The following FAM117A variants were observed in gnomAD, a reference collection of about 807,000 sequenced individuals.
FAM117A encodes the protein protein FAM117A.
A neutral mutation model predicts 44.1 loss-of-function variants in FAM117A; 21 were observed. The observed-to-expected ratio is 0.48, with a 90% CI of 0.34 to 0.69. The LOEUF (loss-of-function observed/expected upper bound fraction) is 0.69. Among genes scored for constraint, FAM117A ranks in the 30% least tolerant of loss-of-function variants. The pLI, the probability that FAM117A is intolerant of heterozygous loss-of-function variation, is 0.01. For synonymous variants in FAM117A, 220 were observed against 238.3 expected (o/e 0.92, Z 0.71); for missense variants, 498 against 589.9 (o/e 0.84, Z 1.61).
At chr17:49,772,954 G>C (rs1363028358) in intron 1 of FAM117A, among the ~76,000 whole-genome samples, 1 of 151,846 alleles carries the variant, frequency 6.6e-6, no homozygotes, top group African/African-American at 2.4e-5. Context: ...GGAGGATCAC[G>C]AGGTCAAGAG....
chr17:49,766,687 T>G (rs1180761059), upstream of FAM117A, among the ~76,000 whole-genome samples: 1 of 152,244 alleles, frequency 6.6e-6, no homozygotes, highest in Non-Finnish European at 1.5e-5. Flanking sequence ...TGGTTTTTAT[T>G]GGCTGAGCCA....
chr17:49,769,237 G>A (rs1205084213), intron 1 of FAM117A, among the ~76,000 whole-genome samples: 3 of 152,148 alleles, frequency 2.0e-5, no homozygotes, highest in African/African-American at 7.2e-5. Context: ...GGAGGCTGCA[G>A]TAAGCCGAGA....
rs747602980 is a variant in FAM117A at position 49,722,541 on chromosome 17, G to A, written c.420C>T (p.His140=). The change falls in exon 3 of 8, where the codon CAC becomes CAT. Residue 140 remains histidine (H), a synonymous_variant. Coordinates refer to ENST00000240364, the MANE Select transcript of FAM117A (RefSeq NM_030802.4). The part of the protein sequence containing the change: ...LEGERASSCA[H]KRSASWGSTD... ...TGCTGCCCCAGGATGCTGAGCGCTT[G>A]TGTGCACAGGAACTGGCACGCTCAC... 2 of 1,613,970 alleles carry A rather than the reference G, an allele frequency of 1.2e-6. No homozygotes were observed. Among genetic ancestry groups the A allele is most frequent in the South Asian group, 1.1e-5 (1 of 91,062 alleles).
At chr17:49,740,349 A>C (rs1319985926) in intron 1 of FAM117A, among the ~76,000 whole-genome samples, 1 of 151,420 alleles carries the variant, frequency 6.6e-6, no homozygotes. Flanking sequence ...TCCCGGGTTC[A>C]CGCCATTCTC....
intron 1 of FAM117A, among the ~76,000 whole-genome samples, chr17:49,739,847 T>TG (rs1170539292): frequency 1.3e-5 from 2 of 152,162 alleles, no homozygotes; most frequent in East Asian, 3.9e-4. Context: ...TACAGCACCG[T>TG]GGGGTATTAT....
intron 3 of FAM117A, among the ~76,000 whole-genome samples, chr17:49,721,816 G>A (rs1014190083): frequency 9.2e-5 from 14 of 152,176 alleles, no homozygotes; most frequent in African/African-American, 3.4e-4. Flanking sequence ...AGGGCTGGGC[G>A]TGGTGGCTCA....
At chr17:49,777,870 T>C (rs1297710990) in intron 1 of FAM117A, among the ~76,000 whole-genome samples, 1 of 151,878 alleles carries the variant, frequency 6.6e-6, no homozygotes, top group African/African-American at 2.4e-5. Flanking sequence ...GGAAACAGAG[T>C]AGAATATGCC....
chr17:49,756,663 C>G (rs959462072), intron 1 of FAM117A, among the ~76,000 whole-genome samples: 1 of 151,054 alleles, frequency 6.6e-6, no homozygotes, highest in African/African-American at 2.4e-5. Context: ...CACCTGTAAT[C>G]GCAGCACTTT....
At chr17:49,781,101 C>G (rs2143806361) in intron 1 of FAM117A, among the ~76,000 whole-genome samples, 1 of 152,320 alleles carries the variant, frequency 6.6e-6, no homozygotes, top group African/African-American at 2.4e-5. Flanking sequence ...CAGGCGTGAG[C>G]CACCATGCCT....
intron 1 of FAM117A, among the ~76,000 whole-genome samples, chr17:49,774,421 G>A (rs1392421005): frequency 6.7e-6 from 1 of 150,242 alleles, no homozygotes; most frequent in Non-Finnish European, 1.5e-5. Flanking sequence ...GCGCAATGGC[G>A]TGATCTCAGC....
chr17:49,720,761 C>A (rs1299376197), intron 3 of FAM117A, among the ~76,000 whole-genome samples: 1 of 152,064 alleles, frequency 6.6e-6, no homozygotes, highest in Non-Finnish European at 1.5e-5. Context: ...GCTCTCTCAC[C>A]CAGGCTGGAG....
chr17:49,719,754 A>G lies in FAM117A; in HGVS notation c.708+6T>C. The G allele has an allele frequency of 1.3e-6, 2 of 1,564,626 alleles. No homozygotes were observed. The highest frequency in any genetic ancestry group is 1.7e-6 in the Non-Finnish European group (2 of 1,159,200). On this transcript the variant is annotated splice_donor_region_variant and intron_variant, in intron 5 of 7. Coordinates refer to ENST00000240364, the MANE Select transcript of FAM117A (RefSeq NM_030802.4). The stretch of plus-strand genomic sequence containing the variant: ...TGGGTGCACTCAGGGTGCAGCCGCC[A>G]CTCACCCTCAGCAGCTCCTCTTCTC...
chr17:49,748,786 C>G (rs1426588325), intron 1 of FAM117A, among the ~76,000 whole-genome samples: 1 of 152,118 alleles, frequency 6.6e-6, no homozygotes, highest in African/African-American at 2.4e-5. Flanking sequence ...TCACTTACCC[C>G]CAACTCTGAC....
Position 49,778,527 on chromosome 17 carries a change from TC to T in FAM117A, c.-621+9969del, listed in dbSNP as rs201206719. Among the ~76,000 whole-genome samples the T allele has an allele frequency of 5.2e-3, 799 of 152,358 alleles. 8 individuals are homozygous for T. Among genetic ancestry groups the T allele is most frequent in the African/African-American group, 0.018 (746 of 41,588 alleles). Reference sequence around the variant, plus strand: ...CCTGGTATAGTAGTCTCCATTTAGATCAATTCAGATTACTTTCCCCGACTCT... The same window carrying T: ...CCTGGTATAGTAGTCTCCATTTAGATAATTCAGATTACTTTCCCCGACTCT... On this transcript the variant is annotated intron_variant, in intron 1 of 7. Coordinates refer to the FAM117A transcript ENST00000513602.
At chr17:49,761,105 T>C (rs539428015) in intron 1 of FAM117A, among the ~76,000 whole-genome samples, 1 of 152,290 alleles carries the variant, frequency 6.6e-6, no homozygotes, top group East Asian at 1.9e-4. Context: ...GCAGGATGTG[T>C]GGTGGGGAGA....
chr17:49,752,445 C>T (rs2073681332), intron 1 of FAM117A, among the ~76,000 whole-genome samples: 1 of 152,212 alleles, frequency 6.6e-6, no homozygotes, highest in Non-Finnish European at 1.5e-5. Context: ...CACAATGCCA[C>T]TTGCATCTAC....
chr17:49,722,443 C>T, intron 3 of FAM117A, 56 bp downstream of exon 3: 5 of 1,420,530 alleles, frequency 3.5e-6, no homozygotes, highest in Non-Finnish European at 4.9e-6. Context: ...TTGCATGGTA[C>T]TAGGGGATCG....
chr17:49,743,504 C>T (rs538037139), intron 1 of FAM117A, among the ~76,000 whole-genome samples: 21 of 152,044 alleles, frequency 1.4e-4, no homozygotes, highest in African/African-American at 4.1e-4. Context: ...CTGAGGCGGG[C>T]GGATCACGAG....
chr17:49,714,844 C>T (rs2073494966), intron 7 of FAM117A, among the ~76,000 whole-genome samples: 1 of 151,646 alleles, frequency 6.6e-6, no homozygotes, highest in African/African-American at 2.4e-5. Context: ...CAGGGTCTTG[C>T]CATGTTGGAC....
Sources: allele counts gnomAD v4.1 joint callset (sites outside exome capture counted in the v4.1 genomes callset), GRCh38; gene constraint gnomAD v4.1.1; transcripts MANE v1.5; gene names NCBI Gene and HGNC (gene_info 2026-07-23, HGNC 2026-07-21).